RANBP17: variants seen among roughly 807,000 people sequenced by gnomAD.
The protein encoded by RANBP17 is RAN binding protein 17.
Under a neutral mutation model 141.2 loss-of-function variants are expected in RANBP17, and 158 were observed. The observed-to-expected ratio is 1.12, with a 90% CI of 0.98 to 1.28. RANBP17 has a LOEUF of 1.28. RANBP17 is among the 50% of genes most tolerant of loss of function. The probability of loss-of-function intolerance (pLI) is 0.00; values close to 1 mark genes in which losing one functional copy is unlikely to be tolerated. For missense variants in RANBP17, 1,438 were observed against 1,290.7 expected, an observed-to-expected ratio of 1.11 and a Z score of -1.75; for synonymous variants, 430 against 450.0, an observed-to-expected ratio of 0.96 and a Z score of 0.56.
intron 12 of RANBP17, among the ~76,000 whole-genome samples, chr5:170,926,196 T>TTG (rs10623990): frequency 0.64 from 97,375 of 151,724 alleles, 31,933 homozygotes; most frequent in South Asian, 0.89. Context: ...AAGTCTGCCT[T>TTG]TAGCCAGGAA....
chr5:170,946,965 G>T (rs1178634239), intron 12 of RANBP17, among the ~76,000 whole-genome samples: 1 of 152,134 alleles, frequency 6.6e-6, no homozygotes, highest in African/African-American at 2.4e-5. Flanking sequence ...TGAAACATGT[G>T]TACTGGACAA....
chr5:171,051,701 T>C (rs1182284013), intron 14 of RANBP17, among the ~76,000 whole-genome samples: 1 of 152,188 alleles, frequency 6.6e-6, no homozygotes, highest in Admixed American at 6.5e-5. Flanking sequence ...CTGTAAACAT[T>C]TTTTTACAAG....
At chr5:171,093,784 A>G (rs1429525063) in intron 14 of RANBP17, among the ~76,000 whole-genome samples, 1 of 152,240 alleles carries the variant, frequency 6.6e-6, no homozygotes, top group Non-Finnish European at 1.5e-5. Flanking sequence ...TGCTTTGGGC[A>G]ATAGAGTAAT....
At chr5:170,864,791 C>T (rs1027654948) in intron 1 of RANBP17, among the ~76,000 whole-genome samples, 1 of 152,082 alleles carries the variant, frequency 6.6e-6, no homozygotes, top group Non-Finnish European at 1.5e-5. Flanking sequence ...CTGATTTGAT[C>T]TAGATGTGAT....
intron 14 of RANBP17, among the ~76,000 whole-genome samples, chr5:171,065,502 T>A (rs768798623): frequency 1.3e-5 from 2 of 152,120 alleles, no homozygotes; most frequent in Non-Finnish European, 2.9e-5. Flanking sequence ...TGGCTTGCCC[T>A]CCGCTCATCT....
chr5:170,961,469 A>G (rs1020012641), intron 13 of RANBP17, among the ~76,000 whole-genome samples: 1 of 152,216 alleles, frequency 6.6e-6, no homozygotes, highest in African/African-American at 2.4e-5. Flanking sequence ...TACATGTAGG[A>G]CAATAAATTG....
At chr5:171,097,113 G>C in intron 14 of RANBP17, among the ~76,000 whole-genome samples, 1 of 152,122 alleles carries the variant, frequency 6.6e-6, no homozygotes, top group East Asian at 1.9e-4. Flanking sequence ...TGCAGAAATT[G>C]TTCCAGGCTA....
intron 27 of RANBP17, 41 bp from the exon 28 acceptor site, chr5:171,298,721 G>A: frequency 6.7e-7 from 1 of 1,501,772 alleles, no homozygotes; most frequent in Non-Finnish European, 9.3e-7. Flanking sequence ...TGGAGGCTTT[G>A]CCTCATTACT....
At chr5:171,061,478 G>A (rs1783845077) in intron 14 of RANBP17, among the ~76,000 whole-genome samples, 2 of 152,096 alleles carry the variant, frequency 1.3e-5, no homozygotes, top group East Asian at 1.9e-4. Flanking sequence ...GGTTTTGAGT[G>A]AGTTTCTTAA....
chr5:171,000,075 T>A lies in RANBP17; in HGVS notation c.1710+31698T>A, dbSNP rs368236782. On this transcript the variant is annotated intron_variant, in intron 14 of 27. Transcript: ENST00000523189. ...CTTATATTGTAGCAGACATCAGAAT[T>A]TTTTTCTATTTTAAGACTATTATTC... Among the ~76,000 whole-genome samples the A allele has an allele frequency of 1.1e-4, 17 of 152,298 alleles. No homozygotes were observed. In the East Asian group the frequency reaches 2.5e-3, roughly 22 times the overall value.
chr5:171,024,858 G>T (rs1349937399), intron 14 of RANBP17, among the ~76,000 whole-genome samples: 1 of 151,162 alleles, frequency 6.6e-6, no homozygotes, highest in Non-Finnish European at 1.5e-5. Context: ...ATTTCCTCAT[G>T]ACTTCCAAAT....
intron 14 of RANBP17, among the ~76,000 whole-genome samples, chr5:170,976,499 G>A (rs546477290): frequency 6.6e-6 from 1 of 152,076 alleles, no homozygotes; most frequent in South Asian, 2.1e-4. Flanking sequence ...TTAAATTTGT[G>A]TGAAATTAAA....
chr5:170,877,498 G>C (rs762810920), intron 1 of RANBP17, among the ~76,000 whole-genome samples: 3 of 152,116 alleles, frequency 2.0e-5, no homozygotes, highest in Non-Finnish European at 4.4e-5. Flanking sequence ...CTGGGCTCAA[G>C]CGATCCTTCC....
At chr5:170,972,761 A>T (rs1390136426) in intron 14 of RANBP17, among the ~76,000 whole-genome samples, 1 of 152,120 alleles carries the variant, frequency 6.6e-6, no homozygotes, top group East Asian at 1.9e-4. Context: ...AAGCTTTACT[A>T]GATATTATTA....
chr5:171,198,796 A>G (rs1180064386), intron 18 of RANBP17, among the ~76,000 whole-genome samples: 1 of 152,202 alleles, frequency 6.6e-6, no homozygotes, highest in Non-Finnish European at 1.5e-5. Context: ...TTCCACCTCC[A>G]ACTAAGTATT....
chr5:171,237,252 A>G (rs1384763497), intron 22 of RANBP17, among the ~76,000 whole-genome samples: 2 of 152,160 alleles, frequency 1.3e-5, no homozygotes, highest in African/African-American at 2.4e-5. Context: ...GTGAAGAAGG[A>G]GAACCCCAAG....
At chr5:171,065,899 C>T (rs958650061) in intron 14 of RANBP17, among the ~76,000 whole-genome samples, 3 of 151,804 alleles carry the variant, frequency 2.0e-5, no homozygotes, top group East Asian at 3.9e-4. Flanking sequence ...CTCACTCTGT[C>T]GCCCAGATTG....
chr5:171,131,117 G>A (rs1047045721), intron 14 of RANBP17, among the ~76,000 whole-genome samples: 1 of 152,122 alleles, frequency 6.6e-6, no homozygotes, highest in Admixed American at 6.5e-5. Flanking sequence ...CAGATCCTCA[G>A]CTTTCTTGTC....
intron 14 of RANBP17, among the ~76,000 whole-genome samples, chr5:170,972,400 T>C (rs2127536479): frequency 6.6e-6 from 1 of 152,204 alleles, no homozygotes; most frequent in African/African-American, 2.4e-5. Context: ...GCCAGGCTGG[T>C]TTCGAACTCC....
Sources: allele counts gnomAD v4.1 joint callset (sites outside exome capture counted in the v4.1 genomes callset), GRCh38; gene constraint gnomAD v4.1.1; transcripts MANE v1.5; gene names NCBI Gene and HGNC (gene_info 2026-07-23, HGNC 2026-07-21).